SLC12A9: variants seen among roughly 807,000 people sequenced by gnomAD.
The protein encoded by SLC12A9 is CCC-interacting protein 1.
Under a neutral mutation model 66.0 loss-of-function variants are expected in SLC12A9, and 55 were observed. The observed-to-expected ratio is 0.83, with a 90% CI of 0.67 to 1.04. SLC12A9 has a LOEUF of 1.04. Ranked by LOEUF, SLC12A9 falls within the 50% of genes least tolerant of loss-of-function variation. SLC12A9 has a pLI of 0.00. For missense variants in SLC12A9, 1,061 were observed against 1,241.9 expected, an observed-to-expected ratio of 0.85 and a Z score of 2.19; for synonymous variants, 577 against 569.0, an observed-to-expected ratio of 1.01 and a Z score of -0.20.
At chr7:100,836,407 C>T (rs532308092) in intron 1 of SLC12A9, among the ~76,000 whole-genome samples, 1 of 152,206 alleles carries the variant, frequency 6.6e-6, no homozygotes, top group East Asian at 1.9e-4. Flanking sequence ...TGACGCAGGG[C>T]CTCAGCCCTC....
At chr7:100,850,195 T>C (rs964283547), upstream of SLC12A9, among the ~76,000 whole-genome samples, 1 of 147,720 alleles carries the variant, frequency 6.8e-6, no homozygotes, top group Admixed American at 6.7e-5. Context: ...CTCCCTCCCT[T>C]CTTTCCTTCC....
At chr7:100,865,642 G>T in intron 13 of SLC12A9, 77 bp from the exon 14 acceptor site, 1 of 1,556,908 alleles carries the variant, frequency 6.4e-7, no homozygotes, top group Non-Finnish European at 8.7e-7. Context: ...CTTGCTGTCA[G>T]TGTGTGGGAG....
In SLC12A9 at chr7:100,861,899, C is replaced by T. The variant is rs1174167515; in HGVS notation, c.1699C>T (p.Leu567=). ...GCTGTATGTGCTGGGCCACGTCACC[C>T]TGGGAGACCTCGGTGAGCTGCCCTC... ...GGLYVLGHVT[L]GDLDSLPSDP... is the part of the protein sequence containing the mutation. Residue 567 remains leucine (L), a synonymous_variant, in exon 12 of 14, where the codon CTG becomes TTG. Coordinates refer to ENST00000354161, the MANE Select transcript of SLC12A9 (RefSeq NM_020246.4). This position sits in a 1 kb window ranked among gnomAD's most constrained non-coding sequence, Gnocchi z 5.3. 1 of 1,602,032 alleles carries T rather than the reference C, an allele frequency of 6.2e-7. No individual in the cohort carries two copies. The highest frequency in any genetic ancestry group is 2.2e-5 in the East Asian group (1 of 44,648).
At chr7:100,859,823 G>C (rs1411513106) in intron 7 of SLC12A9, 62 bp from the exon 8 acceptor site, 6 of 1,542,580 alleles carry the variant, frequency 3.9e-6, no homozygotes, top group Non-Finnish European at 5.3e-6. Flanking sequence ...TAAGATCGGG[G>C]CTGGAGATTT....
In SLC12A9 at chr7:100,861,900, T is replaced by C; in HGVS notation, c.1700T>C (p.Leu567Pro). ...GGLYVLGHVT[L>P]GDLDSLPSDP... ...CTGTATGTGCTGGGCCACGTCACCC[T>C]GGGAGACCTCGGTGAGCTGCCCTCC... The change falls in exon 12 of 14, where the codon CTG becomes CCG. Residue 567 changes from leucine to proline, a missense_variant. Physicochemically the swap from Leu to Pro is moderately conservative, Grantham distance 98. Transcript: ENST00000354161. This position sits in a 1 kb window ranked among gnomAD's most constrained non-coding sequence, Gnocchi z 5.3. 6.2e-7 allele frequency: 1 copy of C among 1,601,698 alleles called. No individual in the cohort carries two copies. Among genetic ancestry groups the C allele is most frequent in the Middle Eastern group, 1.8e-4 (1 of 5,640 alleles).
At position 100,854,610 on chromosome 7, in the gene SLC12A9, C is replaced by G. The variant is rs772446820; in HGVS notation, c.182-10C>G. On this transcript the variant is annotated splice_polypyrimidine_tract_variant and intron_variant, in intron 2 of 13. Transcript: ENST00000354161. ...GTCCCCTGTGACCTGATTTGCTGCTCCTGCCTCAGGGTTCGTGGTGGGTCA... is the reference window on the plus strand; with the variant it reads ...GTCCCCTGTGACCTGATTTGCTGCTGCTGCCTCAGGGTTCGTGGTGGGTCA... 30 of 1,613,936 alleles carry G rather than the reference C, an allele frequency of 1.9e-5. No individual in the cohort carries two copies. Among genetic ancestry groups the G allele is most frequent in the Non-Finnish European group, 2.2e-5 (26 of 1,179,952 alleles).
At chr7:100,826,921 T>A in exon 1 of SLC12A9, 1 of 1,495,248 alleles carries the variant, frequency 6.7e-7, no homozygotes, top group Non-Finnish European at 9.0e-7. Context: ...GAGGCCCAGA[T>A]GTTGGGGGGG....
In SLC12A9 at chr7:100,859,982, A is replaced by G. The variant is rs1814643100; in HGVS notation, c.1075A>G (p.Met359Val). 2 of 1,613,338 alleles carry G rather than the reference A, an allele frequency of 1.2e-6. No individual in the cohort carries two copies. The highest frequency in any genetic ancestry group is 1.3e-5 in the African/African-American group (1 of 74,902). ...GIYATALSAS[M>V]SSLIGASRIL... ...CTATGCCACAGCGCTCTCAGCGTCCATGAGCTCGCTCATTGGTGCCTCCCG... is the reference window on the plus strand; with the variant it reads ...CTATGCCACAGCGCTCTCAGCGTCCGTGAGCTCGCTCATTGGTGCCTCCCG... Residue 359 changes from methionine to valine, a missense_variant, in exon 8 of 14, where the codon ATG becomes GTG. Met to Val is a conservative substitution (Grantham distance 21, BLOSUM62 1). Coordinates refer to ENST00000354161, the MANE Select transcript of SLC12A9 (RefSeq NM_020246.4).
At chr7:100,841,570 C>T (rs1320221491) in intron 1 of SLC12A9, among the ~76,000 whole-genome samples, 1 of 152,100 alleles carries the variant, frequency 6.6e-6, no homozygotes. Flanking sequence ...ACAGGTTTTT[C>T]TTAAAGCACC....
At chr7:100,854,980 A>G (rs570123659) in intron 3 of SLC12A9, among the ~76,000 whole-genome samples, 1 of 152,228 alleles carries the variant, frequency 6.6e-6, no homozygotes, top group East Asian at 1.9e-4. Flanking sequence ...CCTGGCCAAC[A>G]TAGTGAAACC....
chr7:100,859,686 G>A (rs1050241496), intron 7 of SLC12A9, 199 bp from the exon 8 acceptor site: 1 of 629,190 alleles, frequency 1.6e-6, no homozygotes, highest in Admixed American at 3.1e-5. Context: ...ACTTTAGCCT[G>A]GGGGTTGGAG....
chr7:100,829,884 T>G (rs921292813), intron 1 of SLC12A9, among the ~76,000 whole-genome samples: 40 of 149,738 alleles, frequency 2.7e-4, no homozygotes, highest in South Asian at 1.9e-3. Context: ...AAAAATCAGC[T>G]GGGCATCATG....
chr7:100,850,040 T>C (rs1814025063), upstream of SLC12A9, among the ~76,000 whole-genome samples: 1 of 151,942 alleles, frequency 6.6e-6, no homozygotes, highest in African/African-American at 2.4e-5. Context: ...GCCCGGCTAA[T>C]TTTTGTATTT....
intron 1 of SLC12A9, among the ~76,000 whole-genome samples, chr7:100,846,410 C>A (rs1813916334): frequency 6.6e-6 from 1 of 151,902 alleles, no homozygotes. Flanking sequence ...ACTAAAAATA[C>A]AAAAAAATGA....
chr7:100,850,255 CTTTCTTTTT>C (rs753087593), upstream of SLC12A9, among the ~76,000 whole-genome samples: 253 of 125,142 alleles, frequency 2.0e-3, no homozygotes, highest in Non-Finnish European at 3.6e-3. Flanking sequence ...CCTTTTCTTT[CTTTCTTTTT>C]TTTTTTTTTT....
upstream of SLC12A9, among the ~76,000 whole-genome samples, chr7:100,849,090 C>A (rs1227557616): frequency 6.6e-6 from 1 of 151,190 alleles, no homozygotes; most frequent in African/African-American, 2.4e-5. Flanking sequence ...CCAGGCCCAG[C>A]TAATTTTTGT....
intron 1 of SLC12A9, among the ~76,000 whole-genome samples, chr7:100,845,828 G>T (rs562657008): frequency 6.6e-6 from 1 of 152,304 alleles, no homozygotes; most frequent in South Asian, 2.1e-4. Flanking sequence ...ACACAAGACG[G>T]CTCGTGAAGA....
chr7:100,860,289 G>A (rs1814667315), intron 9 of SLC12A9, 57 bp downstream of exon 9: 7 of 1,567,480 alleles, frequency 4.5e-6, no homozygotes, highest in African/African-American at 1.4e-5. Flanking sequence ...GCAGGATGGG[G>A]GTGCAGTTAG....
intron 1 of SLC12A9, among the ~76,000 whole-genome samples, chr7:100,840,454 C>T (rs1031770720): frequency 5.3e-5 from 8 of 152,240 alleles, no homozygotes; most frequent in East Asian, 3.9e-4. Flanking sequence ...CCAGGGAACC[C>T]AGACCAGTTC....
Sources: allele counts gnomAD v4.1 joint callset (sites outside exome capture counted in the v4.1 genomes callset), GRCh38; gene constraint gnomAD v4.1.1; non-coding constraint Gnocchi (gnomAD v3.1); transcripts MANE v1.5; gene names NCBI Gene and HGNC (gene_info 2026-07-23, HGNC 2026-07-21).